Variants in TNNI3K observed in about 807,000 individuals in gnomAD.
TNNI3K encodes serine/threonine-protein kinase TNNI3K.
In TNNI3K, 140 loss-of-function variants were observed where a neutral mutation model predicts 114.5. The ratio of observed to expected loss-of-function variants is 1.22; its 90% CI spans 1.07 to 1.41. The LOEUF (loss-of-function observed/expected upper bound fraction) is 1.41. Ranked by LOEUF, TNNI3K falls within the 40% of genes most tolerant of loss-of-function variation. TNNI3K has a pLI of 0.00. For missense variants in TNNI3K, 1,125 were observed against 1,007.6 expected, an observed-to-expected ratio of 1.12 and a Z score of -1.58; for synonymous variants, 347 against 347.5, an observed-to-expected ratio of 1.00 and a Z score of 0.02.
chr1:74,492,997 T>G (rs957995507), intron 23 of TNNI3K, among the ~76,000 whole-genome samples: 4 of 152,168 alleles, frequency 2.6e-5, no homozygotes, highest in African/African-American at 9.7e-5. Context: ...CCCTTTATCT[T>G]CTTATAAGGG....
intron 17 of TNNI3K, among the ~76,000 whole-genome samples, chr1:74,402,319 T>C (rs1664405864): frequency 6.6e-6 from 1 of 152,204 alleles, no homozygotes; most frequent in African/African-American, 2.4e-5. Flanking sequence ...GGAATAGTTA[T>C]GTAGAGAGAA....
intron 2 of TNNI3K, among the ~76,000 whole-genome samples, chr1:74,245,982 TTAA>T (rs1242877258): frequency 6.6e-6 from 1 of 152,214 alleles, no homozygotes; most frequent in African/African-American, 2.4e-5. Flanking sequence ...TTTATAAATG[TTAA>T]TAATATAAGA....
At chr1:74,450,361 C>A (rs889632414) in intron 20 of TNNI3K, among the ~76,000 whole-genome samples, 44 of 151,848 alleles carry the variant, frequency 2.9e-4, no homozygotes, top group African/African-American at 1.0e-3. Context: ...AAAGCAAGAG[C>A]AAACACATTC....
intron 21 of TNNI3K, among the ~76,000 whole-genome samples, chr1:74,465,538 C>G (rs753055232): frequency 6.6e-6 from 1 of 152,056 alleles, no homozygotes; most frequent in Non-Finnish European, 1.5e-5. Context: ...GCCCGAGTCC[C>G]CCCCCAACCG....
intron 4 of TNNI3K, among the ~76,000 whole-genome samples, chr1:74,257,232 GATTA>G (rs1441290550): frequency 6.6e-6 from 1 of 152,004 alleles, no homozygotes; most frequent in Non-Finnish European, 1.5e-5. Context: ...TATTTATTAA[GATTA>G]ATTAAGATAT....
chr1:74,419,243 C>T (rs1469981230), intron 17 of TNNI3K, among the ~76,000 whole-genome samples: 2 of 152,050 alleles, frequency 1.3e-5, no homozygotes, highest in African/African-American at 4.8e-5. Flanking sequence ...TCACCTTCTC[C>T]TCTGTGTGTC....
Position 74,369,077 on chromosome 1 carries a change from GCT to G in TNNI3K, c.1381_1382del (p.Ser461ArgfsTer3). 6.2e-7 allele frequency: 1 copy of G among 1,610,370 alleles called. No individual in the cohort carries two copies. The highest frequency in any genetic ancestry group is 1.1e-5 in the South Asian group (1 of 90,282). On this transcript the variant is annotated frameshift_variant, in exon 14 of 25. Transcript: ENST00000326637. LOFTEE classifies it high-confidence loss of function. ...GATTGCCTTCACATTTCCATCTTCA[GCT>G]CTCAGAAATTGAGTTCCATGAGATT... ...AGLPSHFHLQ[L>X]SEIEFHEIIG...
intron 11 of TNNI3K, among the ~76,000 whole-genome samples, chr1:74,365,286 C>T (rs1445855983): frequency 2.0e-5 from 3 of 151,900 alleles, no homozygotes; most frequent in Non-Finnish European, 4.4e-5. Context: ...CAGGGGCTCC[C>T]CATCTCGCCT....
chr1:74,365,194 G>C (rs1443083319), intron 11 of TNNI3K, among the ~76,000 whole-genome samples: 1 of 152,054 alleles, frequency 6.6e-6, no homozygotes, highest in Non-Finnish European at 1.5e-5. Flanking sequence ...TCTTACAAGG[G>C]TGGATTATCG....
chr1:74,532,668 C>G (rs1394150889), intron 23 of TNNI3K, among the ~76,000 whole-genome samples: 1 of 151,352 alleles, frequency 6.6e-6, no homozygotes, highest in African/African-American at 2.4e-5. Context: ...ATGTTCCCCT[C>G]CCTGTGTCCA....
chr1:74,254,171 T>A (rs570631), intron 4 of TNNI3K, among the ~76,000 whole-genome samples: 101,800 of 152,050 alleles, frequency 0.67, 34,895 homozygotes, highest in East Asian at 0.82. Flanking sequence ...TATTTTTTTT[T>A]AGAACCATTT....
At chr1:74,320,614 A>T (rs1470930467) in intron 5 of TNNI3K, among the ~76,000 whole-genome samples, 1 of 152,202 alleles carries the variant, frequency 6.6e-6, no homozygotes, top group African/African-American at 2.4e-5. Context: ...TGAGCCCAAG[A>T]TTTAATTGTT....
chr1:74,270,316 A>C (rs562526002), intron 4 of TNNI3K, among the ~76,000 whole-genome samples: 3 of 151,836 alleles, frequency 2.0e-5, no homozygotes, highest in African/African-American at 4.8e-5. Flanking sequence ...TTTTTTCAGA[A>C]GGCTGGAAAA....
At chr1:74,488,912 A>G (rs1331973117) in intron 21 of TNNI3K, among the ~76,000 whole-genome samples, 1 of 152,220 alleles carries the variant, frequency 6.6e-6, no homozygotes, top group Non-Finnish European at 1.5e-5. Flanking sequence ...CCTGCCATTT[A>G]AAAACATGCA....
intron 13 of TNNI3K, 36 bp from the exon 14 acceptor site, chr1:74,368,986 T>C (rs1303221163): frequency 6.4e-7 from 1 of 1,565,782 alleles, no homozygotes; most frequent in Non-Finnish European, 8.7e-7. Context: ...GTGTGGTTTT[T>C]ACCTTAAAAA....
intron 17 of TNNI3K, among the ~76,000 whole-genome samples, chr1:74,399,156 TAAAAAAAA>T (rs1234711047): frequency 1.3e-5 from 1 of 76,834 alleles, no homozygotes; most frequent in South Asian, 4.5e-4. Context: ...CAAAACCCAT[TAAAAAAAA>T]AAAAAAAAAA....
At chr1:74,248,568 C>T (rs1478115706) in intron 2 of TNNI3K, among the ~76,000 whole-genome samples, 1 of 152,232 alleles carries the variant, frequency 6.6e-6, no homozygotes, top group Non-Finnish European at 1.5e-5. Context: ...GCCAACTTCA[C>T]TGTGAATATA....
intron 2 of TNNI3K, among the ~76,000 whole-genome samples, chr1:74,241,241 C>A (rs1400037086): frequency 6.6e-6 from 1 of 152,186 alleles, no homozygotes; most frequent in Non-Finnish European, 1.5e-5. Context: ...AATAAACATA[C>A]ATGTGCATGT....
At chr1:74,481,020 A>T (rs543626278) in intron 21 of TNNI3K, 20 of 658,620 alleles carry the variant, frequency 3.0e-5, no homozygotes, top group Non-Finnish European at 2.3e-5. Flanking sequence ...AGTGGGAGGG[A>T]GGGGGTATGG....
Sources: allele counts gnomAD v4.1 joint callset (sites outside exome capture counted in the v4.1 genomes callset), GRCh38; gene constraint gnomAD v4.1.1; transcripts MANE v1.5; gene names NCBI Gene and HGNC (gene_info 2026-07-23, HGNC 2026-07-21).